The following IPMK variants were observed in gnomAD, a reference collection of about 807,000 sequenced individuals.
IPMK encodes inositol polyphosphate multikinase.
Under a neutral mutation model 45.8 loss-of-function variants are expected in IPMK, and 17 were observed. The ratio of observed to expected loss-of-function variants is 0.37; its 90% confidence interval spans 0.25 to 0.56. IPMK has a LOEUF of 0.56. Ranked by LOEUF, IPMK falls within the 20% of genes least tolerant of loss-of-function variation. The pLI is 0.79. For synonymous variants in IPMK, 180 were observed against 184.3 expected (o/e 0.98, Z 0.19); for missense variants, 399 against 498.0 (o/e 0.80, Z 1.89).
At chr10:58,233,351 T>G (rs1162225068) in intron 2 of IPMK, among the ~76,000 whole-genome samples, 1 of 152,124 alleles carries the variant, frequency 6.6e-6, no homozygotes, top group Non-Finnish European at 1.5e-5. Flanking sequence ...TACCAAAGCC[T>G]GGCAGAGACA....
chr10:58,247,502 G>GT (rs1351446935), intron 1 of IPMK, among the ~76,000 whole-genome samples: 1 of 151,740 alleles, frequency 6.6e-6, no homozygotes, highest in Non-Finnish European at 1.5e-5. Flanking sequence ...CATGTCCTTT[G>GT]TAGGGACATG....
chr10:58,255,328 G>A (rs897276875), intron 1 of IPMK, among the ~76,000 whole-genome samples: 1 of 152,222 alleles, frequency 6.6e-6, no homozygotes, highest in Admixed American at 6.5e-5. Context: ...TCCCAGACCA[G>A]TGAAAAGATC....
intron 1 of IPMK, among the ~76,000 whole-genome samples, chr10:58,242,477 A>G (rs902304263): frequency 3.1e-5 from 2 of 65,168 alleles, no homozygotes; most frequent in African/African-American, 9.7e-5. Flanking sequence ...AAAAAAAAAG[A>G]AAAGAAAACA....
At chr10:58,214,311 T>A (rs927411918) in intron 4 of IPMK, among the ~76,000 whole-genome samples, 3 of 152,184 alleles carry the variant, frequency 2.0e-5, no homozygotes, top group Non-Finnish European at 4.4e-5. Context: ...AGGTAAGGCA[T>A]GTGCATCTGT....
chr10:58,240,314 C>T (rs1401601308), intron 1 of IPMK, among the ~76,000 whole-genome samples: 3 of 151,400 alleles, frequency 2.0e-5, no homozygotes, highest in Non-Finnish European at 2.9e-5. Context: ...GAGCAATGAA[C>T]ATTCACAAAG....
At chr10:58,197,664 AG>A (rs1837925437) in intron 5 of IPMK, among the ~76,000 whole-genome samples, 1 of 128,924 alleles carries the variant, frequency 7.8e-6, no homozygotes, top group South Asian at 2.3e-4. Flanking sequence ...AAAAAAGAAA[AG>A]AAAAGAAAAA....
At chr10:58,235,782 C>A (rs185981714) in intron 2 of IPMK, among the ~76,000 whole-genome samples, 3 of 151,700 alleles carry the variant, frequency 2.0e-5, no homozygotes, top group Admixed American at 2.0e-4. Flanking sequence ...GCACGTTGTG[C>A]ACATGTATCC....
intron 1 of IPMK, among the ~76,000 whole-genome samples, chr10:58,261,716 G>A (rs1165211265): frequency 6.6e-6 from 1 of 151,986 alleles, no homozygotes; most frequent in East Asian, 1.9e-4. Flanking sequence ...CTGAGTAGCT[G>A]GGACTATAGG....
intron 3 of IPMK, among the ~76,000 whole-genome samples, chr10:58,226,731 C>T (rs2590315): frequency 0.34 from 51,449 of 151,870 alleles, 10,965 homozygotes; most frequent in African/African-American, 0.61. Context: ...TTTAAAAAAT[C>T]ACTCAAAATG....
At chr10:58,258,770 G>GA (rs1839012311) in intron 1 of IPMK, among the ~76,000 whole-genome samples, 1 of 151,836 alleles carries the variant, frequency 6.6e-6, no homozygotes, top group Non-Finnish European at 1.5e-5. Context: ...TGTATGAGAA[G>GA]AAAAAGGAAG....
chr10:58,209,192 G>A (rs1351212915), intron 4 of IPMK, among the ~76,000 whole-genome samples: 1 of 152,194 alleles, frequency 6.6e-6, no homozygotes, highest in African/African-American at 2.4e-5. Context: ...GCTTTCTATA[G>A]GTGCCTCCAT....
intron 4 of IPMK, among the ~76,000 whole-genome samples, chr10:58,206,583 T>C (rs1183071489): frequency 6.6e-6 from 1 of 152,192 alleles, no homozygotes; most frequent in Non-Finnish European, 1.5e-5. Context: ...GCTTATCCTG[T>C]CCATGTACCC....
At chr10:58,252,436 GTTT>G (rs201330209) in intron 1 of IPMK, among the ~76,000 whole-genome samples, 47,464 of 129,866 alleles carry the variant, frequency 0.37, 9,745 homozygotes, top group African/African-American at 0.62. Flanking sequence ...GAATTTGACT[GTTT>G]TTTTTTTTTT....
chr10:58,226,109 C>G (rs528654615), intron 3 of IPMK, among the ~76,000 whole-genome samples: 4 of 152,152 alleles, frequency 2.6e-5, no homozygotes, highest in Admixed American at 6.5e-5. Flanking sequence ...TCAAGGGAGC[C>G]ATCAATTTAC....
At chr10:58,266,004 C>T (rs957001597) in intron 1 of IPMK, among the ~76,000 whole-genome samples, 3 of 152,152 alleles carry the variant, frequency 2.0e-5, no homozygotes, top group Admixed American at 2.0e-4. Context: ...TAATATAAAT[C>T]AATAGGCATT....
chr10:58,245,711 A>G (rs1426893612), intron 1 of IPMK, among the ~76,000 whole-genome samples: 1 of 151,970 alleles, frequency 6.6e-6, no homozygotes, highest in Non-Finnish European at 1.5e-5. Context: ...TGAATGGGCA[A>G]AAACTGGAAG....
chr10:58,256,999 A>C (rs563917450), intron 1 of IPMK, among the ~76,000 whole-genome samples: 1 of 152,292 alleles, frequency 6.6e-6, no homozygotes, highest in South Asian at 2.1e-4. Context: ...CAGGAGGTTG[A>C]GGCTGCTGGT....
At chr10:58,220,440 A>C (rs1035893398) in intron 3 of IPMK, among the ~76,000 whole-genome samples, 1 of 152,190 alleles carries the variant, frequency 6.6e-6, no homozygotes, top group African/African-American at 2.4e-5. Flanking sequence ...TGAGATGATA[A>C]AGTTTAAAGC....
At chr10:58,258,947 T>A (rs972192277) in intron 1 of IPMK, among the ~76,000 whole-genome samples, 3 of 152,206 alleles carry the variant, frequency 2.0e-5, no homozygotes, top group Non-Finnish European at 4.4e-5. Context: ...TTTAAATATT[T>A]CAAAATGAAT....
Sources: allele counts gnomAD v4.1 joint callset (sites outside exome capture counted in the v4.1 genomes callset), GRCh38; gene constraint gnomAD v4.1.1; transcripts MANE v1.5; gene names NCBI Gene and HGNC (gene_info 2026-07-23, HGNC 2026-07-21).